SIL1: variants seen among roughly 807,000 people sequenced by gnomAD.
SIL1 encodes SIL1 nucleotide exchange factor.
Under a neutral mutation model 49.1 loss-of-function variants are expected in SIL1, and 40 were observed. That is an observed-to-expected ratio of 0.81 (90% CI 0.63 to 1.06). The LOEUF is 1.06. SIL1 is among the 50% of genes least tolerant of loss of function. The pLI is 0.00. For missense variants in SIL1, 500 were observed against 572.6 expected, an observed-to-expected ratio of 0.87 and a Z score of 1.29; for synonymous variants, 253 against 250.8, an observed-to-expected ratio of 1.01 and a Z score of -0.08.
At chr5:139,145,955 T>C (rs558422844) in intron 1 of SIL1, among the ~76,000 whole-genome samples, 2 of 151,366 alleles carry the variant, frequency 1.3e-5, no homozygotes, top group South Asian at 4.2e-4. Context: ...ATGCTTTGTG[T>C]GTGTGTATAT....
intron 3 of SIL1, among the ~76,000 whole-genome samples, chr5:139,068,786 A>G (rs187011367): frequency 6.6e-6 from 1 of 152,154 alleles, no homozygotes; most frequent in Non-Finnish European, 1.5e-5. Context: ...TTATGGTACA[A>G]TCCTATACAA....
At chr5:139,053,148 C>A (rs909743591) in intron 3 of SIL1, among the ~76,000 whole-genome samples, 1 of 152,112 alleles carries the variant, frequency 6.6e-6, no homozygotes, top group Non-Finnish European at 1.5e-5. Context: ...CCCAAACTGA[C>A]AAGACAATAG....
intron 3 of SIL1, among the ~76,000 whole-genome samples, chr5:139,112,912 AAAG>A (rs1770900023): frequency 6.6e-6 from 1 of 152,242 alleles, no homozygotes; most frequent in Non-Finnish European, 1.5e-5. Flanking sequence ...GTCTGTGTAG[AAAG>A]AAGTAGACAT....
chr5:139,143,328 CACACACACACACACACAT>C (rs1167770945), intron 1 of SIL1, among the ~76,000 whole-genome samples: 16 of 127,004 alleles, frequency 1.3e-4, no homozygotes, highest in South Asian at 2.3e-4. Context: ...CACACACACA[CACACACACACACACACAT>C]ATATATATAT....
chr5:139,125,019 A>C (rs1276604080), intron 2 of SIL1, among the ~76,000 whole-genome samples: 1 of 152,272 alleles, frequency 6.6e-6, no homozygotes, highest in African/African-American at 2.4e-5. Context: ...GACGCGGGAT[A>C]CTGAGATCAC....
intron 2 of SIL1, among the ~76,000 whole-genome samples, chr5:139,124,018 G>A (rs892131721): frequency 2.0e-5 from 3 of 152,068 alleles, no homozygotes; most frequent in Non-Finnish European, 4.4e-5. Flanking sequence ...CCAAAGTGCT[G>A]GGATTACAGG....
intron 5 of SIL1, among the ~76,000 whole-genome samples, chr5:139,039,678 G>T (rs1768995839): frequency 2.0e-5 from 3 of 152,104 alleles, no homozygotes; most frequent in Non-Finnish European, 2.9e-5. Flanking sequence ...TTAGTATTAT[G>T]TCCAGGGTTT....
intron 6 of SIL1, chr5:139,022,189 A>G (rs1273927690): frequency 6.6e-6 from 1 of 152,230 alleles, no homozygotes. Context: ...CATCTTGCCC[A>G]TATGCTAATC....
intron 7 of SIL1, among the ~76,000 whole-genome samples, chr5:138,983,277 G>A (rs1767572221): frequency 6.6e-6 from 1 of 151,132 alleles, no homozygotes; most frequent in Non-Finnish European, 1.5e-5. Flanking sequence ...GGGAGGCCGA[G>A]GAGGGCGGAT....
chr5:139,076,397 C>T (rs144828224), intron 3 of SIL1, among the ~76,000 whole-genome samples: 70 of 152,186 alleles, frequency 4.6e-4, no homozygotes, highest in African/African-American at 1.7e-3. Context: ...AAAACAAGAC[C>T]ATAAATAAAC....
chr5:139,055,806 G>C (rs1271913268), intron 3 of SIL1, among the ~76,000 whole-genome samples: 3 of 49,894 alleles, frequency 6.0e-5, no homozygotes, highest in South Asian at 1.2e-3. Flanking sequence ...GAGTGCCTGC[G>C]ATTGCAGGCA....
intron 3 of SIL1, among the ~76,000 whole-genome samples, chr5:139,088,430 A>G (rs1770272892): frequency 6.6e-6 from 1 of 152,242 alleles, no homozygotes; most frequent in Admixed American, 6.5e-5. Context: ...CCTGAAAAGC[A>G]GAGTGTAACT....
At chr5:139,148,112 T>TA (rs34450663) in intron 1 of SIL1, among the ~76,000 whole-genome samples, 193 of 143,888 alleles carry the variant, frequency 1.3e-3, no homozygotes, top group East Asian at 1.6e-3. Context: ...TAAAGTGCAT[T>TA]AAAAAAAAAA....
chr5:139,002,841 T>C (rs2150412838), intron 7 of SIL1, among the ~76,000 whole-genome samples: 1 of 152,322 alleles, frequency 6.6e-6, no homozygotes, highest in Non-Finnish European at 1.5e-5. Flanking sequence ...TCTGATGCTA[T>C]ATCCATGAAT....
Position 139,165,159 on chromosome 5 carries a change from T to G in SIL1, c.-11+33110A>C, listed in dbSNP as rs7716811. 3.7e-3 allele frequency among the ~76,000 whole-genome samples: 564 copies of G among 152,118 alleles called. 14 individuals are homozygous for G. Among genetic ancestry groups the G allele is most frequent in the Admixed American group, 0.034 (519 of 15,286 alleles). ...CCTGCTCTCTCTGAAGTGTGCTACCTGAGAGCTTCCTCTGCACAATAAAAC... is the reference window on the plus strand; with the variant it reads ...CCTGCTCTCTCTGAAGTGTGCTACCGGAGAGCTTCCTCTGCACAATAAAAC... On this transcript the variant is annotated intron_variant, in intron 1 of 9. Transcript: ENST00000394817.
chr5:139,155,538 G>A (rs891222169), intron 1 of SIL1: 2 of 150,764 alleles, frequency 1.3e-5, no homozygotes, highest in East Asian at 1.9e-4. Flanking sequence ...GTGGGATCAC[G>A]GCCCAAACCT....
intron 7 of SIL1, among the ~76,000 whole-genome samples, chr5:138,980,514 A>G (rs1424237616): frequency 6.6e-6 from 1 of 152,198 alleles, no homozygotes; most frequent in Non-Finnish European, 1.5e-5. Flanking sequence ...GCATCAAGAA[A>G]GGTATTCAAA....
chr5:138,972,396 G>A (rs553153371), intron 7 of SIL1, among the ~76,000 whole-genome samples: 7 of 152,316 alleles, frequency 4.6e-5, no homozygotes, highest in South Asian at 2.1e-4. Flanking sequence ...CTGGTTCAAC[G>A]CAGCCATGCT....
chr5:139,196,968 A>G (rs1427902552), intron 1 of SIL1, among the ~76,000 whole-genome samples: 1 of 151,170 alleles, frequency 6.6e-6, no homozygotes, highest in Non-Finnish European at 1.5e-5. Flanking sequence ...TCACAATGTC[A>G]AAAAAAAACC....
Sources: gnomAD v4.1 joint callset for allele counts (sites outside exome capture counted in the v4.1 genomes callset) on GRCh38, gnomAD v4.1.1 for gene constraint, MANE v1.5 for transcripts, NCBI Gene and HGNC (gene_info 2026-07-23, HGNC 2026-07-21) for gene names.